CDYL: variants seen among roughly 807,000 people sequenced by gnomAD.
CDYL encodes the protein chromodomain Y like, also known as chromodomain Y-like protein.
Under a neutral mutation model 47.3 loss-of-function variants are expected in CDYL, and 8 were observed. That is an observed-to-expected ratio of 0.17 (90% CI 0.10 to 0.31). The LOEUF is 0.31. Ranked by LOEUF, CDYL falls within the 10% of genes least tolerant of loss-of-function variation. The pLI is 1.00. For synonymous variants in CDYL, 266 were observed against 265.0 expected, an observed-to-expected ratio of 1.00 and a Z score of -0.04; for missense variants, 471 against 701.4, an observed-to-expected ratio of 0.67 and a Z score of 3.71.
chr6:4,738,074 C>T (rs1757734902), intron 3 of CDYL, among the ~76,000 whole-genome samples: 1 of 151,998 alleles, frequency 6.6e-6, no homozygotes, highest in South Asian at 2.1e-4. Flanking sequence ...TGCAGTAATT[C>T]ACAGAAGAAA....
At chr6:4,769,176 C>T (rs370513810) in intron 3 of CDYL, among the ~76,000 whole-genome samples, 1 of 152,038 alleles carries the variant, frequency 6.6e-6, no homozygotes, top group African/African-American at 2.4e-5. Context: ...CTGAATAAAG[C>T]GTGTATTTTA....
chr6:4,838,268 A>G (rs887482136), intron 1 of CDYL, among the ~76,000 whole-genome samples: 1 of 152,114 alleles, frequency 6.6e-6, no homozygotes, highest in Non-Finnish European at 1.5e-5. Context: ...CGAGCAGTGT[A>G]CACTGTACTC....
intron 2 of CDYL, among the ~76,000 whole-genome samples, chr6:4,913,948 C>G (rs1757483486): frequency 6.6e-6 from 1 of 152,256 alleles, no homozygotes; most frequent in Admixed American, 6.5e-5. Context: ...TCCTAACCTT[C>G]TCACCTTGGG....
chr6:4,829,593 C>T (rs1433928181), intron 1 of CDYL, among the ~76,000 whole-genome samples: 2 of 152,170 alleles, frequency 1.3e-5, no homozygotes, highest in Non-Finnish European at 2.9e-5. Flanking sequence ...TTAGAATGTC[C>T]TGATCTTCCA....
chr6:4,762,884 A>G (rs1301435698), intron 3 of CDYL, among the ~76,000 whole-genome samples: 2 of 152,144 alleles, frequency 1.3e-5, no homozygotes, highest in Non-Finnish European at 2.9e-5. Context: ...ATAAGAGATA[A>G]TGGCTGACAA....
Position 4,748,124 on chromosome 6 carries a change from A to T in CDYL, c.186+13280A>T, listed in dbSNP as rs143437271. On this transcript the variant is annotated intron_variant, in intron 3 of 8. Coordinates refer to the CDYL transcript ENST00000328908. ...TGGGAGGTTTTCCAGGGAATATAAG[A>T]TTCCTTTTGCTATGTTGACCTCTTG... 1.7e-3 allele frequency among the ~76,000 whole-genome samples: 262 copies of T among 152,274 alleles called. 2 individuals carry two copies. Among genetic ancestry groups the T allele is most frequent in the African/African-American group, 5.8e-3 (239 of 41,564 alleles).
At chr6:4,883,095 A>C (rs7769900) in intron 1 of CDYL, among the ~76,000 whole-genome samples, 3,494 of 152,260 alleles carry the variant, frequency 0.023, 141 homozygotes, top group African/African-American at 0.08. Flanking sequence ...GCCCTTGCTT[A>C]CAGAAGGGCT....
intron 6 of CDYL, among the ~76,000 whole-genome samples, chr6:4,953,048 C>A (rs1758757569): frequency 6.6e-6 from 1 of 151,152 alleles, no homozygotes; most frequent in African/African-American, 2.4e-5. Context: ...GAATTACAGG[C>A]ATGAGCCACT....
chr6:4,883,345 G>A (rs1023627672), intron 1 of CDYL, among the ~76,000 whole-genome samples: 2 of 152,076 alleles, frequency 1.3e-5, no homozygotes, highest in Non-Finnish European at 2.9e-5. Flanking sequence ...TTTTTGCAAG[G>A]GACTGAAGTG....
intron 1 of CDYL, among the ~76,000 whole-genome samples, chr6:4,822,189 G>C (rs938126477): frequency 1.6e-4 from 25 of 151,518 alleles, no homozygotes; most frequent in Admixed American, 1.6e-3. Flanking sequence ...TTGGCGGGGG[G>C]CATCTCACTG....
chr6:4,808,721 C>T (rs1759440070), intron 1 of CDYL, among the ~76,000 whole-genome samples: 1 of 152,260 alleles, frequency 6.6e-6, no homozygotes, highest in Non-Finnish European at 1.5e-5. Context: ...TTTGCTGACT[C>T]TTAAAGTCCA....
chr6:4,816,804 T>C (rs1032756198), intron 1 of CDYL, among the ~76,000 whole-genome samples: 5 of 152,158 alleles, frequency 3.3e-5, no homozygotes, highest in African/African-American at 1.2e-4. Flanking sequence ...TTTGATTTCA[T>C]AGTGAGCAAA....
chr6:4,759,783 G>GCAGGAGAAT (rs1758141097), intron 3 of CDYL, among the ~76,000 whole-genome samples: 1 of 149,236 alleles, frequency 6.7e-6, no homozygotes. Context: ...GGAGGCTGAG[G>GCAGGAGAAT]CAGGAGAATC....
chr6:4,882,506 A>G (rs975257105), intron 1 of CDYL, among the ~76,000 whole-genome samples: 1 of 152,158 alleles, frequency 6.6e-6, no homozygotes, highest in African/African-American at 2.4e-5. Flanking sequence ...TCAAACAGTT[A>G]AAGGAGAGAA....
intron 1 of CDYL, among the ~76,000 whole-genome samples, chr6:4,888,026 C>T (rs1434764266): frequency 6.6e-6 from 1 of 151,864 alleles, no homozygotes; most frequent in African/African-American, 2.4e-5. Flanking sequence ...TTAAACCAGC[C>T]TTGCATTTTT....
chr6:4,759,337 A>G (rs1297086963), intron 3 of CDYL, among the ~76,000 whole-genome samples: 2 of 152,130 alleles, frequency 1.3e-5, no homozygotes, highest in Non-Finnish European at 2.9e-5. Context: ...GTATCTTTCC[A>G]AAGAGACTTT....
chr6:4,870,235 G>A (rs1484438858), intron 1 of CDYL, among the ~76,000 whole-genome samples: 2 of 152,032 alleles, frequency 1.3e-5, no homozygotes, highest in African/African-American at 2.4e-5. Context: ...GTGTGCCACT[G>A]TGCCTAGCCT....
chr6:4,725,338 AGCCCTTGGGTGGCCGATGGGACTGGGC>A (rs1757488730), intron 2 of CDYL, among the ~76,000 whole-genome samples: 1 of 152,182 alleles, frequency 6.6e-6, no homozygotes, highest in South Asian at 2.1e-4. Flanking sequence ...CACACTCCTC[AGCCCTTGGGTGGCCGATGGGACTGGGC>A]GCCGTGGAGC....
intron 1 of CDYL, among the ~76,000 whole-genome samples, chr6:4,890,580 A>G (rs578256970): frequency 2.6e-5 from 4 of 152,240 alleles, no homozygotes; most frequent in African/African-American, 9.6e-5. Context: ...TTTCTTTGAG[A>G]GCAGAGAAAA....
Sources: gnomAD v4.1 joint callset for allele counts (sites outside exome capture counted in the v4.1 genomes callset) on GRCh38, gnomAD v4.1.1 for gene constraint, MANE v1.5 for transcripts, NCBI Gene and HGNC (gene_info 2026-07-23, HGNC 2026-07-21) for gene names.